CSF1R: variants seen among roughly 807,000 people sequenced by gnomAD.
The protein encoded by CSF1R is macrophage colony-stimulating factor 1 receptor.
A neutral mutation model predicts 110.0 loss-of-function variants in CSF1R; 40 were observed. The ratio of observed to expected loss-of-function variants is 0.36; its 90% CI spans 0.28 to 0.47. The LOEUF (loss-of-function observed/expected upper bound fraction) is 0.47. CSF1R is among the 20% of genes least tolerant of loss of function. CSF1R has a pLI of 0.99. For synonymous variants in CSF1R, 523 were observed against 503.4 expected (o/e 1.04, Z -0.52); for missense variants, 1,052 against 1,253.0 (o/e 0.84, Z 2.42).
At chr5:150,072,147 C>T (rs1043445738) in intron 6 of CSF1R, among the ~76,000 whole-genome samples, 3 of 152,196 alleles carry the variant, frequency 2.0e-5, no homozygotes, top group Admixed American at 6.5e-5. Context: ...ATGCACACCA[C>T]GTATTCGCTG....
rs536423346 is a variant in CSF1R at position 150,080,876 on chromosome 5, G to T, written c.198C>A (p.Ser66Arg). 1.2e-6 allele frequency: 2 copies of T among 1,614,172 alleles called. No homozygotes were observed. Among genetic ancestry groups the T allele is most frequent in the African/African-American group, 1.3e-5 (1 of 75,036 alleles). The change falls in exon 2 of 21, where the codon AGC (serine) becomes AGA (arginine). Residue 66 changes from serine (S) to arginine (R), a missense_variant. Physicochemically the swap from Ser to Arg is moderately radical, Grantham distance 110. Around this residue, in one of 5 missense-constraint regions of CSF1R, gnomAD observed 693 missense variants for 735.4 expected, o/e 0.94. Transcript: ENST00000675795. ...PHWTLYSDGS[S>R]SILSTNNATF... is the part of the protein sequence containing the mutation. ...TAGCGTTGTTGGTGCTGAGGATGCT[G>T]CTGGAGCCATCAGAGTACAGGGTCC... is the stretch of plus-strand genomic sequence containing the variant.
At chr5:150,110,596 G>T (rs1759687373) in intron 1 of CSF1R, among the ~76,000 whole-genome samples, 1 of 152,134 alleles carries the variant, frequency 6.6e-6, no homozygotes, top group African/African-American at 2.4e-5. Flanking sequence ...AAAACAAAAA[G>T]TTGCACAATG....
chr5:150,097,499 T>C (rs769985797), intron 1 of CSF1R, among the ~76,000 whole-genome samples: 2 of 151,480 alleles, frequency 1.3e-5, no homozygotes, highest in African/African-American at 2.4e-5. Flanking sequence ...ATGGTCTCTG[T>C]TTGGAGATGA....
chr5:150,059,998 AGTTTCCTTGT>A, intron 13 of CSF1R, 136 bp from the exon 14 acceptor site: 1 of 998,462 alleles, frequency 1.0e-6, no homozygotes, highest in Non-Finnish European at 1.4e-6. Context: ...TCTGTGAGCA[AGTTTCCTTGT>A]GCCTCAGTAG....
intron 12 of CSF1R, 51 bp from the exon 13 acceptor site, chr5:150,061,023 G>A: frequency 7.7e-7 from 1 of 1,306,770 alleles, no homozygotes; most frequent in Non-Finnish European, 1.1e-6. Flanking sequence ...AGGACAGAGA[G>A]CACCACACAG....
chr5:150,066,894 C>A (rs1367003101), intron 10 of CSF1R: 1 of 152,966 alleles, frequency 6.5e-6, no homozygotes, highest in Non-Finnish European at 1.5e-5. Flanking sequence ...CTCACCTGCA[C>A]CTCTGCACAC....
intron 5 of CSF1R, among the ~76,000 whole-genome samples, chr5:150,075,842 T>C (rs544335773): frequency 6.6e-6 from 1 of 152,352 alleles, no homozygotes; most frequent in African/African-American, 2.4e-5. Context: ...TTTGCTCTTC[T>C]TCCCCTTTAC....
chr5:150,111,566 G>A (rs1452747795), intron 1 of CSF1R, among the ~76,000 whole-genome samples: 2 of 152,200 alleles, frequency 1.3e-5, no homozygotes, highest in African/African-American at 4.8e-5. Context: ...GGGAAACACA[G>A]TACCAGAAGG....
intron 1 of CSF1R, among the ~76,000 whole-genome samples, chr5:150,098,854 A>G (rs1196091526): frequency 6.6e-6 from 1 of 151,392 alleles, no homozygotes; most frequent in Non-Finnish European, 1.5e-5. Flanking sequence ...AAAACCTGAC[A>G]GTTTCAAGTG....
In CSF1R at chr5:150,055,318, C is replaced by T. The variant is rs2113776499; in HGVS notation, c.2573G>A (p.Gly858Asp). The T allele has an allele frequency of 1.2e-6, 2 of 1,614,192 alleles. No homozygotes were observed. Among genetic ancestry groups the T allele is most frequent in the Middle Eastern group, 1.7e-4 (1 of 6,060 alleles). Residue 858 changes from glycine to aspartate, a missense_variant, in exon 19 of 21, where the codon GGC (glycine) becomes GAC (aspartate). Physicochemically the swap from Gly to Asp is moderately conservative, Grantham distance 94. Around this residue, in one of 5 missense-constraint regions of CSF1R, gnomAD observed 74 missense variants for 187.4 expected, o/e 0.39. Coordinates refer to ENST00000675795, the MANE Select transcript of CSF1R (RefSeq NM_001288705.3). ...ATAGAACTTGCTGTTCACCAGGATG[C>T]CAGGGTAGGGATTCAGCCCTGCAAA... The part of the protein sequence containing the change: ...IFSLGLNPYP[G>D]ILVNSKFYKL...
intron 10 of CSF1R, among the ~76,000 whole-genome samples, chr5:150,062,580 G>A (rs1757580932): frequency 6.6e-6 from 1 of 151,990 alleles, no homozygotes; most frequent in South Asian, 2.1e-4. Flanking sequence ...TCATGCTGCA[G>A]CACAGGTCAG....
chr5:150,073,886 T>C (rs80097749), intron 5 of CSF1R, among the ~76,000 whole-genome samples: 1,597 of 152,332 alleles, frequency 0.01, 30 homozygotes, highest in African/African-American at 0.035. Context: ...TGGTCATAAA[T>C]TAGTCAATGC....
Position 150,057,385 on chromosome 5 carries a change from C to T in CSF1R, c.2222-1G>A. 1 of 1,613,914 alleles carries T rather than the reference C, an allele frequency of 6.2e-7. No individual in the cohort carries two copies. The highest frequency in any genetic ancestry group is 8.5e-7 in the Non-Finnish European group (1 of 1,179,848). On this transcript the variant is annotated splice_acceptor_variant, in intron 15 of 20. Coordinates refer to ENST00000675795, the MANE Select transcript of CSF1R (RefSeq NM_001288705.3). LOFTEE classifies it high-confidence loss of function. ...GGCCGTCCATCCTCCTTGTCCAGGTCTAGGGTGGGAAGAGGCGTCAGGGCA... is the reference window on the plus strand; with the variant it reads ...GGCCGTCCATCCTCCTTGTCCAGGTTTAGGGTGGGAAGAGGCGTCAGGGCA...
chr5:150,068,144 A>T (rs1757857364), intron 10 of CSF1R, 71 bp downstream of exon 10: 1 of 1,205,902 alleles, frequency 8.3e-7, no homozygotes, highest in Non-Finnish European at 1.2e-6. Flanking sequence ...GGGTGAATCC[A>T]TGCAGCCTGG....
At chr5:150,089,601 A>C (rs1442863751), upstream of CSF1R, among the ~76,000 whole-genome samples, 1 of 152,246 alleles carries the variant, frequency 6.6e-6, no homozygotes, top group Non-Finnish European at 1.5e-5. Context: ...GGATTTAATA[A>C]GACAGCGGTA....
At position 150,057,298 on chromosome 5, in the gene CSF1R, C is replaced by T. The variant is rs281860271; in HGVS notation, c.2308G>A (p.Ala770Thr). ...AGGTTCCTACTCACATTCTTGGAAGCGAGGAAGGCCATGCCCTGGGCTACT... is the reference window on the plus strand; with the variant it reads ...AGGTTCCTACTCACATTCTTGGAAGTGAGGAAGGCCATGCCCTGGGCTACT... Reference protein sequence around the residue: ...SQVAQGMAFLASKNCIHRDVA... With the variant: ...SQVAQGMAFLTSKNCIHRDVA... Residue 770 changes from alanine to threonine, a missense_variant, in exon 16 of 21, where the codon GCT becomes ACT. Ala to Thr is a moderately conservative substitution (Grantham distance 58). Transcript: ENST00000675795. 3.1e-6 allele frequency: 5 copies of T among 1,613,044 alleles called. No homozygotes were observed. The highest frequency in any genetic ancestry group is 2.2e-5 in the East Asian group (1 of 44,876).
chr5:150,080,379 A>G (rs985016228), intron 2 of CSF1R, 43 bp from the exon 3 acceptor site: 1 of 1,592,688 alleles, frequency 6.3e-7, no homozygotes, highest in African/African-American at 1.3e-5. Context: ...CCCTCCCTCC[A>G]CTGGGCCAAG....
At chr5:150,090,048 AAT>A (rs1758988874), upstream of CSF1R, among the ~76,000 whole-genome samples, 2 of 152,200 alleles carry the variant, frequency 1.3e-5, no homozygotes, top group Non-Finnish European at 2.9e-5. Context: ...TAAAGACCTA[AAT>A]ATAAAAGCTA....
intron 2 of CSF1R, 94 bp downstream of exon 2, chr5:150,080,673 T>C (rs548049634): frequency 6.7e-7 from 1 of 1,485,472 alleles, no homozygotes; most frequent in South Asian, 1.2e-5. Flanking sequence ...ACTCAGTAAA[T>C]GCAGAGCTGA....
Sources: gnomAD v4.1 joint callset for allele counts (sites outside exome capture counted in the v4.1 genomes callset) on GRCh38, gnomAD v4.1.1 for gene constraint, gnomAD v4.1.1 regional missense constraint, MANE v1.5 for transcripts, NCBI Gene and HGNC (gene_info 2026-07-23, HGNC 2026-07-21) for gene names.